Variants in ARHGAP35 observed in about 807,000 individuals in gnomAD.
ARHGAP35 encodes the protein Rho GTPase activating protein 35.
In ARHGAP35, 15 loss-of-function variants were observed where a neutral mutation model predicts 111.1. That is an observed-to-expected ratio of 0.13 (90% confidence interval 0.09 to 0.21). The LOEUF (loss-of-function observed/expected upper bound fraction) is 0.21, where lower values mean the gene tolerates loss of function less well. ARHGAP35 is among the 10% of genes least tolerant of loss of function. ARHGAP35 has a pLI of 1.00. For missense variants in ARHGAP35, 1,262 were observed against 1,873.0 expected (o/e 0.67, Z 6.02); for synonymous variants, 643 against 710.3 (o/e 0.91, Z 1.51).
chr19:46,949,909 A>G (rs1035364812), intron 3 of ARHGAP35, among the ~76,000 whole-genome samples: 1 of 152,198 alleles, frequency 6.6e-6, no homozygotes, highest in African/African-American at 2.4e-5. Flanking sequence ...CGTTTCCCCA[A>G]AACAGTAATG....
At chr19:46,872,090 A>T (rs1020409364) in intron 1 of ARHGAP35, among the ~76,000 whole-genome samples, 13 of 151,860 alleles carry the variant, frequency 8.6e-5, no homozygotes, top group Non-Finnish European at 1.3e-4. Context: ...TTATAAATTT[A>T]AAAAAAAATC....
At chr19:46,894,517 C>T (rs2056043517) in intron 1 of ARHGAP35, among the ~76,000 whole-genome samples, 1 of 146,288 alleles carries the variant, frequency 6.8e-6, no homozygotes. Flanking sequence ...ACGATCTCTG[C>T]TCACTGTAAC....
At chr19:46,975,669 T>C (rs1254487707) in intron 3 of ARHGAP35, among the ~76,000 whole-genome samples, 1 of 152,216 alleles carries the variant, frequency 6.6e-6, no homozygotes, top group African/African-American at 2.4e-5. Context: ...TTCCAGCCCT[T>C]TTCCTGTCTT....
At chr19:46,965,780 C>T (rs993681719) in intron 3 of ARHGAP35, among the ~76,000 whole-genome samples, 2 of 152,158 alleles carry the variant, frequency 1.3e-5, no homozygotes, top group Non-Finnish European at 2.9e-5. Context: ...CTGCTGCACT[C>T]GGCCTGGATT....
rs1016797606 is a variant in ARHGAP35, at chr19:46,922,202, G to C, written c.3527G>C (p.Ser1176Thr). 6.2e-7 allele frequency: 1 copy of C among 1,613,904 alleles called. No individual in the cohort carries two copies. Among genetic ancestry groups the C allele is most frequent in the African/African-American group, 1.3e-5 (1 of 74,918 alleles). The change falls in exon 2 of 7, where the codon AGC (serine) becomes ACC (threonine). Residue 1176 changes from serine to threonine, a missense_variant. Physicochemically the swap from Ser to Thr is moderately conservative, Grantham distance 58. This residue lies in a region of ARHGAP35 where 579 missense variants were observed against 716.9 expected (regional missense o/e 0.81). Coordinates refer to ENST00000672722, the MANE Select transcript of ARHGAP35 (RefSeq NM_004491.5). The surrounding 1 kb of genome is among the most constrained non-coding windows in gnomAD (Gnocchi z 4.0). ...GRFASYRTSFSVGSDDELGPI... is the reference protein window; with the variant it reads ...GRFASYRTSFTVGSDDELGPI... The stretch of plus-strand genomic sequence containing the variant: ...TTTGCTAGTTACCGGACCAGCTTCA[G>C]CGTGGGGAGTGATGATGAGCTGGGG...
Position 47,003,088 on chromosome 19 carries a change from G to A in ARHGAP35, c.*2400G>A, listed in dbSNP as rs903482915. On this transcript the variant is annotated 3_prime_UTR_variant, in exon 7 of 7. Coordinates refer to ENST00000672722, the MANE Select transcript of ARHGAP35 (RefSeq NM_004491.5). ...CCTCTTGTTTCCCCCGCTAACTTCA[G>A]CCTCTCATCTGCTGCTCCGGGCTGA... is the stretch of plus-strand genomic sequence containing the variant. 3.3e-5 allele frequency: 5 copies of A among 152,346 alleles called. No individual in the cohort carries two copies. The highest frequency in any genetic ancestry group is 2.6e-4 in the Admixed American group (4 of 15,284). 9.4% of individuals were successfully genotyped at this position (152,346 alleles called of 1,614,324 possible).
At chr19:46,963,463 A>T (rs907523570) in intron 3 of ARHGAP35, among the ~76,000 whole-genome samples, 1 of 151,230 alleles carries the variant, frequency 6.6e-6, no homozygotes, top group Non-Finnish European at 1.5e-5. Context: ...CTGTGCCTTC[A>T]CTCCTCCACA....
Position 46,920,914 on chromosome 19 carries a change from A to C in ARHGAP35, c.2239A>C (p.Asn747His). 6.2e-7 allele frequency: 1 copy of C among 1,613,820 alleles called. No individual in the cohort carries two copies. The highest frequency in any genetic ancestry group is 8.5e-7 in the Non-Finnish European group (1 of 1,179,734). Residue 747 changes from asparagine (N) to histidine (H), a missense_variant, in exon 2 of 7, where the codon AAT becomes CAT. By Grantham distance (68) the Asn-to-His change is moderately conservative (BLOSUM62 1). Coordinates refer to ENST00000672722, the MANE Select transcript of ARHGAP35 (RefSeq NM_004491.5). The surrounding 1 kb of genome is among the most constrained non-coding windows in gnomAD (Gnocchi z 7.0). ...TGGCATTGGTTACGGACGCAACATT[A>C]ATGAAAAGCAAATCAGTCAAGTTTT... The part of the protein sequence containing the change: ...SAGIGYGRNI[N>H]EKQISQVLKG...
intron 3 of ARHGAP35, among the ~76,000 whole-genome samples, chr19:46,960,494 G>A (rs527850914): frequency 6.6e-6 from 1 of 152,254 alleles, no homozygotes; most frequent in East Asian, 1.9e-4. Flanking sequence ...TACATGCAGA[G>A]AAGAGAGTTT....
At chr19:46,934,108 A>G (rs1484871089) in intron 2 of ARHGAP35, among the ~76,000 whole-genome samples, 1 of 152,228 alleles carries the variant, frequency 6.6e-6, no homozygotes, top group East Asian at 1.9e-4. Context: ...TTCAACAGGC[A>G]TATTCTGTAG....
At chr19:46,911,003 G>T (rs1374034935) in intron 1 of ARHGAP35, among the ~76,000 whole-genome samples, 2 of 152,260 alleles carry the variant, frequency 1.3e-5, no homozygotes, top group Non-Finnish European at 2.9e-5. Context: ...ACTGCGCCCT[G>T]CTCGATTATT....
At chr19:46,867,339 T>C (rs2055863726) in intron 1 of ARHGAP35, among the ~76,000 whole-genome samples, 2 of 152,204 alleles carry the variant, frequency 1.3e-5, no homozygotes, top group Non-Finnish European at 2.9e-5. Flanking sequence ...TCTCCTGATA[T>C]CTCTGCATTC....
At chr19:46,966,321 G>A (rs1193077945) in intron 3 of ARHGAP35, among the ~76,000 whole-genome samples, 4 of 152,190 alleles carry the variant, frequency 2.6e-5, no homozygotes, top group Non-Finnish European at 5.9e-5. Context: ...AGCTGAAGCA[G>A]GAGGATTGCT....
intron 3 of ARHGAP35, among the ~76,000 whole-genome samples, chr19:46,964,578 C>A (rs551635677): frequency 1.6e-4 from 25 of 152,168 alleles, no homozygotes; most frequent in Non-Finnish European, 2.6e-4. Flanking sequence ...TTCTTTAAGT[C>A]TACTTTTACT....
At chr19:46,882,017 CCT>C (rs1416141543) in intron 1 of ARHGAP35, among the ~76,000 whole-genome samples, 4 of 152,182 alleles carry the variant, frequency 2.6e-5, no homozygotes, top group Non-Finnish European at 4.4e-5. Context: ...AGCTTCCTCG[CCT>C]CTCTCAGCCC....
In ARHGAP35 at chr19:46,921,923, A is replaced by C; in HGVS notation, c.3248A>C (p.Asp1083Ala). 1.9e-6 allele frequency: 3 copies of C among 1,614,000 alleles called. No homozygotes were observed. Among genetic ancestry groups the C allele is most frequent in the Non-Finnish European group, 2.5e-6 (3 of 1,179,894 alleles). ...SSPWLPQDGFDPSDYAEPMDA... is the reference protein window; with the variant it reads ...SSPWLPQDGFAPSDYAEPMDA... ...CCCTGGCTGCCTCAGGATGGGTTTG[A>C]TCCTTCTGACTATGCTGAACCCATG... Residue 1083 changes from aspartate (D) to alanine (A), a missense_variant, in exon 2 of 7, where the codon GAT becomes GCT. By Grantham distance (126) the Asp-to-Ala change is moderately radical. This residue lies in a region of ARHGAP35 where 579 missense variants were observed against 716.9 expected (regional missense o/e 0.81). Transcript: ENST00000672722. The surrounding 1 kb of genome is among the most constrained non-coding windows in gnomAD (Gnocchi z 4.3).
At chr19:46,928,612 A>G (rs2056252560) in intron 2 of ARHGAP35, among the ~76,000 whole-genome samples, 1 of 152,094 alleles carries the variant, frequency 6.6e-6, no homozygotes, top group Non-Finnish European at 1.5e-5. Context: ...CGCGGTCACC[A>G]GACTTCATGC....
In ARHGAP35 at chr19:46,901,789, C is replaced by G. The variant is rs573810395; in HGVS notation, c.-188-16699C>G. ...GCATGCACTTAGGTTATCATTAGCC[C>G]CTAGAGACTTACCTGTCTCCTTGAA... On this transcript the variant is annotated intron_variant, in intron 1 of 6. Coordinates refer to ENST00000672722, the MANE Select transcript of ARHGAP35 (RefSeq NM_004491.5). This position sits in a 1 kb window ranked among gnomAD's most constrained non-coding sequence, Gnocchi z 4.5. Among the ~76,000 whole-genome samples, 2 of 152,220 alleles carry G rather than the reference C, an allele frequency of 1.3e-5. No homozygotes were observed. The highest frequency in any genetic ancestry group is 6.5e-5 in the Admixed American group (1 of 15,280).
At chr19:46,998,978 A>AG (rs1395656455) in intron 5 of ARHGAP35, 1 of 281,286 alleles carries the variant, frequency 3.6e-6, no homozygotes, top group Admixed American at 4.8e-5. Flanking sequence ...GCCTGTCTCC[A>AG]GGGGCAACCG....
Sources: allele counts gnomAD v4.1 joint callset (sites outside exome capture counted in the v4.1 genomes callset), GRCh38; gene constraint gnomAD v4.1.1; regional missense constraint gnomAD v4.1.1; non-coding constraint Gnocchi (gnomAD v3.1); transcripts MANE v1.5; gene names NCBI Gene and HGNC (gene_info 2026-07-23, HGNC 2026-07-21).